Variants in PAPOLA observed in about 807,000 individuals in gnomAD.
The protein encoded by PAPOLA is poly(A) polymerase alpha.
PAPOLA carries 15 observed loss-of-function variants against 100.6 expected under a neutral mutation model. That is an observed-to-expected ratio of 0.15 (90% CI 0.10 to 0.23). The LOEUF (loss-of-function observed/expected upper bound fraction) is 0.23. Among genes scored for constraint, PAPOLA ranks in the 10% least tolerant of loss-of-function variants. PAPOLA has a pLI of 1.00. For missense variants in PAPOLA, 533 were observed against 884.2 expected, an observed-to-expected ratio of 0.60 and a Z score of 5.04; for synonymous variants, 293 against 300.0, an observed-to-expected ratio of 0.98 and a Z score of 0.24.
intron 20 of PAPOLA, among the ~76,000 whole-genome samples, chr14:96,562,163 A>C (rs1349309456): frequency 6.6e-6 from 1 of 152,128 alleles, no homozygotes; most frequent in Admixed American, 6.5e-5. Flanking sequence ...AAGTGCTAGG[A>C]TTACAGGTGT....
intron 1 of PAPOLA, among the ~76,000 whole-genome samples, chr14:96,512,531 T>C (rs1466000406): frequency 1.3e-5 from 2 of 152,220 alleles, no homozygotes; most frequent in Non-Finnish European, 2.9e-5. Context: ...TTTCTTAGTT[T>C]AATAGTAAGA....
At chr14:96,562,996 T>C in intron 21 of PAPOLA, 103 bp downstream of exon 21, 1 of 679,250 alleles carries the variant, frequency 1.5e-6, no homozygotes, top group Non-Finnish European at 2.5e-6. Context: ...AAAATTAATC[T>C]TTCTGAAAGT....
At chr14:96,524,664 G>A (rs1203658821) in intron 3 of PAPOLA, among the ~76,000 whole-genome samples, 1 of 152,086 alleles carries the variant, frequency 6.6e-6, no homozygotes, top group African/African-American at 2.4e-5. Context: ...GGGACTATAT[G>A]TGCATGCCAC....
chr14:96,519,502 C>G (rs1448306079), intron 1 of PAPOLA, among the ~76,000 whole-genome samples: 1 of 152,056 alleles, frequency 6.6e-6, no homozygotes, highest in Non-Finnish European at 1.5e-5. Context: ...ACCTTTTAGA[C>G]TAGCATCATT....
intron 1 of PAPOLA, among the ~76,000 whole-genome samples, chr14:96,516,759 G>A (rs542425522): frequency 2.6e-5 from 4 of 152,260 alleles, no homozygotes; most frequent in East Asian, 3.9e-4. Flanking sequence ...TCCAGCTTGC[G>A]TCTGATTTAT....
intron 4 of PAPOLA, among the ~76,000 whole-genome samples, chr14:96,525,797 G>GAACA (rs1269830744): frequency 4.6e-5 from 7 of 152,126 alleles, no homozygotes; most frequent in African/African-American, 1.7e-4. Flanking sequence ...TTTCAGTAGA[G>GAACA]GTAGCCACAT....
chr14:96,508,801 T>C (rs555247640), intron 1 of PAPOLA, among the ~76,000 whole-genome samples: 5 of 152,340 alleles, frequency 3.3e-5, no homozygotes, highest in African/African-American at 9.6e-5. Flanking sequence ...TTTTAAATAA[T>C]TGGACAATGC....
chr14:96,564,202 T>A (rs1484161483), intron 21 of PAPOLA, among the ~76,000 whole-genome samples: 1 of 152,096 alleles, frequency 6.6e-6, no homozygotes, highest in African/African-American at 2.4e-5. Context: ...TGGAAATATT[T>A]ATAGATGAAA....
intron 21 of PAPOLA, among the ~76,000 whole-genome samples, chr14:96,564,427 TTAATC>T (rs1902120061): frequency 6.6e-6 from 1 of 152,164 alleles, no homozygotes. Context: ...CGCTTGTGAT[TTAATC>T]TAATTAATAT....
At chr14:96,521,342 A>G (rs891323876) in intron 3 of PAPOLA, among the ~76,000 whole-genome samples, 1 of 152,130 alleles carries the variant, frequency 6.6e-6, no homozygotes, top group Admixed American at 6.6e-5. Flanking sequence ...AAGTACTTAC[A>G]CTCTTCACAG....
intron 1 of PAPOLA, among the ~76,000 whole-genome samples, chr14:96,512,792 C>G (rs1897191794): frequency 6.6e-6 from 1 of 152,188 alleles, no homozygotes; most frequent in Admixed American, 6.5e-5. Flanking sequence ...TCATTGCATA[C>G]TCTGCTCAGT....
intron 10 of PAPOLA, 115 bp downstream of exon 10, chr14:96,534,678 A>G (rs1226448185): frequency 1.9e-6 from 3 of 1,543,386 alleles, no homozygotes; most frequent in Non-Finnish European, 2.6e-6. Flanking sequence ...TCATGTCCGT[A>G]TTACACTTTC....
intron 1 of PAPOLA, among the ~76,000 whole-genome samples, chr14:96,517,104 A>G (rs1459500181): frequency 1.3e-5 from 2 of 152,240 alleles, no homozygotes; most frequent in African/African-American, 4.8e-5. Flanking sequence ...GCTTGAAGCT[A>G]CAAAAGTATA....
intron 9 of PAPOLA, 125 bp from the exon 10 acceptor site, chr14:96,534,366 A>G: frequency 2.0e-6 from 3 of 1,491,110 alleles, no homozygotes; most frequent in Non-Finnish European, 2.7e-6. Flanking sequence ...AAGGATTAAA[A>G]CGTTGTATGT....
chr14:96,518,805 C>A (rs1897693355), intron 1 of PAPOLA, among the ~76,000 whole-genome samples: 1 of 151,910 alleles, frequency 6.6e-6, no homozygotes, highest in South Asian at 2.1e-4. Context: ...GCCTGTAATC[C>A]CAGCACTTTG....
chr14:96,525,486 G>A (rs186534349), intron 4 of PAPOLA, 95 bp downstream of exon 4: 82 of 578,006 alleles, frequency 1.4e-4, no homozygotes, highest in African/African-American at 1.4e-3. Context: ...TATAGCTTAG[G>A]CTTGCATGGA....
At chr14:96,533,546 C>CTTTTTTTTTTTTTTTTT (rs1172413058) in intron 9 of PAPOLA, 4 of 574,908 alleles carry the variant, frequency 7.0e-6, no homozygotes, top group African/African-American at 2.9e-5. Context: ...GTCAGAATTT[C>CTTTTTTTTTTTTTTTTT]TTTTTTTTTT....
In PAPOLA at chr14:96,530,321, A is replaced by G. The variant is rs545210834; in HGVS notation, c.496-1154A>G. Among the ~76,000 whole-genome samples, 4 of 152,200 alleles carry G rather than the reference A, an allele frequency of 2.6e-5. No individual in the cohort carries two copies. In the East Asian group the frequency reaches 7.7e-4, roughly 29 times the overall value. On this transcript the variant is annotated intron_variant, in intron 6 of 21. Coordinates refer to ENST00000216277, the MANE Select transcript of PAPOLA (RefSeq NM_032632.5). ...CATCAAACTTGATAATTGTGATTAA[A>G]CTGACAACCAGGTATTTGTACATTT... is the stretch of plus-strand genomic sequence containing the variant.
rs367736414 is a variant in PAPOLA, at chr14:96,566,114, C to CCT, written c.*1065_*1066dup. 895 of 393,138 alleles carry CCT rather than the reference C, an allele frequency of 2.3e-3. 9 individuals carry two copies. Among genetic ancestry groups the CCT allele is most frequent in the African/African-American group, 0.017 (842 of 48,554 alleles). The allele number at this position is 393,138 out of a possible 1,614,324, so 24.4% of individuals were successfully genotyped here. A position where few individuals can be genotyped will look rare whatever the true frequency, so the allele number is the denominator to read the frequency against. On this transcript the variant is annotated 3_prime_UTR_variant, in exon 22 of 22. Coordinates refer to ENST00000216277, the MANE Select transcript of PAPOLA (RefSeq NM_032632.5). ...GGAATTTTGTACACTCCACAGAACT[C>CCT]CTATCTATAGTAAAATTGATTTTCA...
Sources: allele counts gnomAD v4.1 joint callset (sites outside exome capture counted in the v4.1 genomes callset), GRCh38; gene constraint gnomAD v4.1.1; transcripts MANE v1.5; gene names NCBI Gene and HGNC (gene_info 2026-07-23, HGNC 2026-07-21).